CDH18: variants seen among roughly 807,000 people sequenced by gnomAD.
CDH18 encodes the protein cadherin 18.
CDH18 carries 31 observed loss-of-function variants against 67.9 expected under a neutral mutation model. The ratio of observed to expected loss-of-function variants is 0.46; its 90% CI spans 0.34 to 0.62. CDH18 has a LOEUF of 0.62. CDH18 is among the 20% of genes least tolerant of loss of function. The pLI is 0.01. For synonymous variants in CDH18, 362 were observed against 347.2 expected, an observed-to-expected ratio of 1.04 and a Z score of -0.48; for missense variants, 890 against 975.5, an observed-to-expected ratio of 0.91 and a Z score of 1.17.
intron 5 of CDH18, among the ~76,000 whole-genome samples, chr5:19,716,190 T>C (rs1484151073): frequency 6.6e-6 from 1 of 152,056 alleles, no homozygotes; most frequent in Non-Finnish European, 1.5e-5. Flanking sequence ...ACTAAGAGCA[T>C]TGCCCTCATT....
chr5:19,684,675 C>CAATGTTAATTTTAAAATT, intron 5 of CDH18, among the ~76,000 whole-genome samples: 1 of 151,082 alleles, frequency 6.6e-6, no homozygotes. Context: ...AAATTGAAAA[C>CAATGTTAATTTTAAAATT]CCTGTAATTT....
chr5:19,960,617 ATATATACACGTG>A (rs1410567110), intron 2 of CDH18, among the ~76,000 whole-genome samples: 1 of 135,124 alleles, frequency 7.4e-6, no homozygotes, highest in Admixed American at 7.2e-5. Context: ...ACACGTGTAT[ATATATACACGTG>A]TATATGTATA....
chr5:19,864,072 T>C (rs1250322836), intron 2 of CDH18, among the ~76,000 whole-genome samples: 1 of 151,108 alleles, frequency 6.6e-6, no homozygotes, highest in Non-Finnish European at 1.5e-5. Flanking sequence ...TAAAGACACA[T>C]GCACACGTAT....
At chr5:20,525,630 T>C (rs1276779010) in intron 1 of CDH18, among the ~76,000 whole-genome samples, 2 of 152,156 alleles carry the variant, frequency 1.3e-5, no homozygotes, top group Non-Finnish European at 2.9e-5. Context: ...TTAAATTAAT[T>C]GACCCTACTA....
intron 3 of CDH18, among the ~76,000 whole-genome samples, chr5:19,794,570 T>C (rs1040970470): frequency 6.6e-6 from 1 of 152,056 alleles, no homozygotes; most frequent in African/African-American, 2.4e-5. Flanking sequence ...TCTCTCCCTC[T>C]CTCTCTTTCT....
chr5:19,833,070 T>G (rs1267757268), intron 3 of CDH18, among the ~76,000 whole-genome samples: 1 of 152,150 alleles, frequency 6.6e-6, no homozygotes, highest in East Asian at 1.9e-4. Context: ...AGAATGTCAA[T>G]GGTAGTTTGA....
intron 2 of CDH18, among the ~76,000 whole-genome samples, chr5:19,960,451 G>C (rs958044430): frequency 6.6e-6 from 1 of 151,342 alleles, no homozygotes; most frequent in Non-Finnish European, 1.5e-5. Context: ...AACGTCTTCA[G>C]GGGCAATAAC....
chr5:19,553,180 G>A (rs996816223), intron 8 of CDH18, among the ~76,000 whole-genome samples: 5 of 151,934 alleles, frequency 3.3e-5, no homozygotes, highest in Non-Finnish European at 5.9e-5. Flanking sequence ...GTATACATTC[G>A]TGATAATCAA....
Position 20,028,788 on chromosome 5 carries a change from C to G in CDH18, c.-517-36774G>C, listed in dbSNP as rs189006241. 2.2e-3 allele frequency among the ~76,000 whole-genome samples: 334 copies of G among 152,230 alleles called. 1 individual carries two copies. Among genetic ancestry groups the G allele is most frequent in the African/African-American group, 7.6e-3 (316 of 41,566 alleles). On this transcript the variant is annotated intron_variant, in intron 2 of 14. Coordinates refer to the CDH18 transcript ENST00000507958. ...ACTCAGAACATCACAGAATTTAAAA[C>G]TTACAATTTGCTTATTTCTGCAATT...
intron 1 of CDH18, among the ~76,000 whole-genome samples, chr5:20,368,984 C>G (rs1206795731): frequency 6.6e-6 from 1 of 152,110 alleles, no homozygotes; most frequent in Non-Finnish European, 1.5e-5. Context: ...CTTTCTTTTT[C>G]TCATTATGCT....
chr5:20,383,237 A>G (rs1359506652), intron 1 of CDH18, among the ~76,000 whole-genome samples: 1 of 152,116 alleles, frequency 6.6e-6, no homozygotes, highest in Non-Finnish European at 1.5e-5. Flanking sequence ...TTATGTTTTT[A>G]TGTTCTGAGT....
intron 3 of CDH18, among the ~76,000 whole-genome samples, chr5:19,787,809 T>TTTTATA (rs1554034046): frequency 6.9e-6 from 1 of 144,416 alleles, no homozygotes; most frequent in African/African-American, 2.5e-5. Flanking sequence ...TAATTTACAG[T>TTTTATA]TATATATATA....
chr5:19,762,702 G>A (rs1457791372), intron 3 of CDH18, among the ~76,000 whole-genome samples: 1 of 152,076 alleles, frequency 6.6e-6, no homozygotes, highest in Non-Finnish European at 1.5e-5. Context: ...ATTCCTCAAG[G>A]ATGTAGAACT....
At chr5:19,736,512 A>G (rs892416137) in intron 4 of CDH18, among the ~76,000 whole-genome samples, 3 of 152,222 alleles carry the variant, frequency 2.0e-5, no homozygotes, top group Non-Finnish European at 4.4e-5. Flanking sequence ...ATATATTCTT[A>G]TATAATTAAA....
intron 3 of CDH18, among the ~76,000 whole-genome samples, chr5:19,812,724 G>A (rs930655363): frequency 1.3e-5 from 2 of 152,170 alleles, no homozygotes; most frequent in Non-Finnish European, 1.5e-5. Context: ...GTTGGTGGGA[G>A]TGTAAATTAG....
chr5:20,009,466 G>A (rs1375555204), intron 2 of CDH18, among the ~76,000 whole-genome samples: 1 of 152,020 alleles, frequency 6.6e-6, no homozygotes, highest in African/African-American at 2.4e-5. Flanking sequence ...GATCAATCAG[G>A]TAGTCATTGA....
chr5:20,288,530 A>G (rs1580673730), intron 1 of CDH18, among the ~76,000 whole-genome samples: 2 of 151,678 alleles, frequency 1.3e-5, no homozygotes, highest in East Asian at 3.9e-4. Context: ...AAGTCTAGCA[A>G]ATCTCCACTA....
At chr5:20,544,931 C>T (rs1457708916) in intron 1 of CDH18, among the ~76,000 whole-genome samples, 1 of 152,124 alleles carries the variant, frequency 6.6e-6, no homozygotes, top group Non-Finnish European at 1.5e-5. Flanking sequence ...GCACATGAGC[C>T]TGTTAAGTAA....
chr5:20,287,266 CAGA>C (rs1324125560), intron 1 of CDH18, among the ~76,000 whole-genome samples: 2 of 151,648 alleles, frequency 1.3e-5, no homozygotes. Flanking sequence ...GGAATTGATC[CAGA>C]ATCAATGGTC....
Sources: gnomAD v4.1 joint callset for allele counts (sites outside exome capture counted in the v4.1 genomes callset) on GRCh38, gnomAD v4.1.1 for gene constraint, MANE v1.5 for transcripts, NCBI Gene and HGNC (gene_info 2026-07-23, HGNC 2026-07-21) for gene names.